The following PPP2R1B variants were observed in gnomAD, a reference collection of about 807,000 sequenced individuals.
The protein encoded by PPP2R1B is protein phosphatase 2 scaffold subunit Abeta, also known as serine/threonine-protein phosphatase 2A 65 kDa regulatory subunit A beta isoform.
In PPP2R1B, 58 loss-of-function variants were observed where a neutral mutation model predicts 72.7. That is an observed-to-expected ratio of 0.80 (90% CI 0.65 to 0.99). The LOEUF (loss-of-function observed/expected upper bound fraction) is 0.99, where lower values mean the gene tolerates loss of function less well. PPP2R1B is among the 50% of genes least tolerant of loss of function. The probability of loss-of-function intolerance (pLI) is 0.00; values close to 1 mark genes in which losing one functional copy is unlikely to be tolerated. For missense variants in PPP2R1B, 695 were observed against 733.6 expected (o/e 0.95, Z 0.61); for synonymous variants, 256 against 264.6 (o/e 0.97, Z 0.32).
rs955941295 is a variant in PPP2R1B at position 111,739,404 on chromosome 11, G to C, written c.*2192C>G. On this transcript the variant is annotated 3_prime_UTR_variant, in exon 15 of 15. Coordinates refer to ENST00000527614, the MANE Select transcript of PPP2R1B (RefSeq NM_002716.5). ...GAACATGGCCAAGTTATGAGCCAAA[G>C]CACAATTCCTCTGAAGAGTACCAAA... 36 of 984,898 alleles carry C rather than the reference G, an allele frequency of 3.7e-5. No individual in the cohort carries two copies. Among genetic ancestry groups the C allele is most frequent in the Admixed American group, 2.5e-4 (4 of 16,234 alleles). The allele number at this position is 984,898 out of a possible 1,614,324, so 61.0% of individuals were successfully genotyped here.
At chr11:111,706,528 T>A in the PPP2R1B span, among the ~76,000 whole-genome samples, 3 of 152,252 alleles carry the variant, frequency 2.0e-5, no homozygotes, top group African/African-American at 7.2e-5. Context: ...TTTGTATTTC[T>A]TTGGCAGTTT....
At chr11:111,706,015 T>C in the PPP2R1B span, among the ~76,000 whole-genome samples, 2 of 152,170 alleles carry the variant, frequency 1.3e-5, no homozygotes, top group African/African-American at 4.8e-5. Flanking sequence ...GGCAGCTCAG[T>C]GTGGTGGTTA....
chr11:111,723,409 G>A, downstream of PPP2R1B: 2 of 1,386,632 alleles, frequency 1.4e-6, no homozygotes, highest in South Asian at 1.4e-5. Context: ...GTAGAAGACT[G>A]AAGCTAGTGA....
At chr11:111,722,597 C>A, downstream of PPP2R1B, 1 of 1,423,224 alleles carries the variant, frequency 7.0e-7, no homozygotes, top group Non-Finnish European at 9.8e-7. This position sits in a 1 kb window ranked among gnomAD's most constrained non-coding sequence, Gnocchi z 4.4. Context: ...CAGGCAGAAG[C>A]ACATCTGATG....
At chr11:111,705,788 C>T in the PPP2R1B span, among the ~76,000 whole-genome samples, 5 of 152,124 alleles carry the variant, frequency 3.3e-5, no homozygotes, top group African/African-American at 9.7e-5. This position sits in a 1 kb window ranked among gnomAD's most constrained non-coding sequence, Gnocchi z 4.3. Context: ...AAAATTCTAT[C>T]GATGCTTTAA....
rs531915842 is a variant in PPP2R1B, at chr11:111,766,191, C to T, written c.114+57G>A. ...CCCCACCGCGACGCAGGCCTTCCCC[C>T]TTCTCTACCACGCGACCAGCCGGTC... On this transcript the variant is annotated intron_variant, in intron 1 of 14. Transcript: ENST00000527614. 353 of 1,576,028 alleles carry T rather than the reference C, an allele frequency of 2.2e-4. 2 individuals are homozygous for T. The African/African-American group carries it at 3.9e-3, about 17-fold the overall frequency.
chr11:111,707,015 A>C, the PPP2R1B span, among the ~76,000 whole-genome samples: 1 of 152,052 alleles, frequency 6.6e-6, no homozygotes, highest in Non-Finnish European at 1.5e-5. Flanking sequence ...TAATGTGTCC[A>C]TATAGTTCCA....
chr11:111,709,538 G>A, the PPP2R1B span, among the ~76,000 whole-genome samples: 2 of 152,202 alleles, frequency 1.3e-5, no homozygotes, highest in African/African-American at 4.8e-5. Context: ...TCTAAAGAGT[G>A]ATCACAATTT....
At chr11:111,702,132 G>A in the PPP2R1B span, among the ~76,000 whole-genome samples, 3 of 152,200 alleles carry the variant, frequency 2.0e-5, no homozygotes, top group Non-Finnish European at 4.4e-5. Flanking sequence ...GGACTGTGAA[G>A]GCAGACTACC....
intron 5 of PPP2R1B, among the ~76,000 whole-genome samples, chr11:111,756,178 C>A (rs1326657998): frequency 1.3e-5 from 2 of 150,454 alleles, no homozygotes; most frequent in East Asian, 2.0e-4. Context: ...CCACTGCACT[C>A]CAGTCTGGGC....
the PPP2R1B span, chr11:111,720,427 C>T: frequency 6.6e-7 from 1 of 1,522,292 alleles, no homozygotes; most frequent in Non-Finnish European, 8.9e-7. Context: ...ACCCTATGTT[C>T]CAAGGAGATG....
At chr11:111,743,725 G>T (rs1944605583) in intron 11 of PPP2R1B, among the ~76,000 whole-genome samples, 195 bp from the exon 12 acceptor site, 1 of 152,160 alleles carries the variant, frequency 6.6e-6, no homozygotes, top group Non-Finnish European at 1.5e-5. Context: ...ACAGAAAAGG[G>T]ATGCAAGGAG....
Position 111,742,539 on chromosome 11 carries a change from G to A in PPP2R1B, c.1681C>T (p.Pro561Ser). The A allele has an allele frequency of 1.2e-6, 2 of 1,613,256 alleles. No homozygotes were observed. The highest frequency in any genetic ancestry group is 8.5e-7 in the Non-Finnish European group (1 of 1,179,768). The change falls in exon 13 of 15, where the codon CCA becomes TCA. Residue 561 changes from proline to serine, a missense_variant. By Grantham distance (74) the Pro-to-Ser change is moderately conservative (BLOSUM62 -1). Transcript: ENST00000527614. ...AAATCTTACTTGGTATCTAGAATTG[G>A]TCCAATCTTTTGTAGAGATTTGGCC... ...NVAKSLQKIG[P>S]ILDTNALQGE...
the PPP2R1B span, among the ~76,000 whole-genome samples, chr11:111,716,470 A>G: frequency 1.3e-5 from 2 of 152,050 alleles, no homozygotes; most frequent in Non-Finnish European, 2.9e-5. Flanking sequence ...CCAGCTACTG[A>G]GGAGGCTGAG....
the PPP2R1B span, among the ~76,000 whole-genome samples, chr11:111,706,816 C>T: frequency 1.3e-5 from 2 of 151,628 alleles, no homozygotes; most frequent in African/African-American, 2.4e-5. Context: ...AAAAATTAGC[C>T]GAGTGTGGCA....
At chr11:111,726,214 T>TG (rs940624446), downstream of PPP2R1B, 1 of 152,134 alleles carries the variant, frequency 6.6e-6, no homozygotes, top group Admixed American at 6.5e-5. Context: ...AGATTGAAAA[T>TG]GGGGGCCACT....
intron 15 of PPP2R1B, among the ~76,000 whole-genome samples, chr11:111,732,366 G>A (rs1944221072): frequency 1.3e-5 from 2 of 152,172 alleles, no homozygotes; most frequent in African/African-American, 4.8e-5. Context: ...AGGGACCAAA[G>A]TTAGGAACCC....
downstream of PPP2R1B, among the ~76,000 whole-genome samples, chr11:111,733,313 G>A (rs117203966): frequency 3.3e-3 from 496 of 152,298 alleles, 6 homozygotes; most frequent in East Asian, 0.029. Flanking sequence ...GAGCCCCCGA[G>A]CCAGCACAGT....
chr11:111,723,065 C>A (rs1346812803), downstream of PPP2R1B, among the ~76,000 whole-genome samples: 1 of 152,178 alleles, frequency 6.6e-6, no homozygotes, highest in African/African-American at 2.4e-5. Flanking sequence ...GTAGGCGGCA[C>A]AGGAGCCTTC....
Sources: allele counts gnomAD v4.1 joint callset (sites outside exome capture counted in the v4.1 genomes callset), GRCh38; gene constraint gnomAD v4.1.1; non-coding constraint Gnocchi (gnomAD v3.1); transcripts MANE v1.5; gene names NCBI Gene and HGNC (gene_info 2026-07-23, HGNC 2026-07-21).